The following ILDR2 variants were observed in gnomAD, a reference collection of about 807,000 sequenced individuals.
ILDR2 encodes immunoglobulin-like domain-containing receptor 2.
ILDR2 carries 25 observed loss-of-function variants against 66.8 expected under a neutral mutation model. The ratio of observed to expected loss-of-function variants is 0.37; its 90% CI spans 0.27 to 0.52. The LOEUF is 0.52. ILDR2 is among the 20% of genes least tolerant of loss of function. The pLI is 0.88. For missense variants in ILDR2, 827 were observed against 876.8 expected (o/e 0.94, Z 0.72); for synonymous variants, 367 against 357.2 (o/e 1.03, Z -0.31).
At chr1:166,905,760 T>A (rs188166715), downstream of ILDR2, among the ~76,000 whole-genome samples, 6 of 152,286 alleles carry the variant, frequency 3.9e-5, no homozygotes, top group African/African-American at 1.4e-4. Flanking sequence ...AGAACCTCTA[T>A]AGCTACAAAT....
intron 1 of ILDR2, among the ~76,000 whole-genome samples, chr1:166,959,628 C>T (rs1209238015): frequency 6.6e-6 from 1 of 152,156 alleles, no homozygotes; most frequent in African/African-American, 2.4e-5. Flanking sequence ...AAAGATCCAA[C>T]CTGATGCTTG....
At chr1:166,935,604 GTTC>G (rs1453355407) in intron 5 of ILDR2, 127 bp from the exon 6 acceptor site, 4 of 815,612 alleles carry the variant, frequency 4.9e-6, no homozygotes, top group Non-Finnish European at 7.4e-6. Context: ...GTGAGCGTTT[GTTC>G]TTCTAAAACT....
chr1:166,938,563 T>A (rs1246138705), intron 4 of ILDR2, among the ~76,000 whole-genome samples: 1 of 152,228 alleles, frequency 6.6e-6, no homozygotes, highest in Admixed American at 6.5e-5. Flanking sequence ...GTAAAAAGAA[T>A]GTCTGTGTTT....
intron 6 of ILDR2, among the ~76,000 whole-genome samples, chr1:166,934,295 T>C (rs1660812634): frequency 6.6e-6 from 1 of 152,212 alleles, no homozygotes; most frequent in African/African-American, 2.4e-5. Flanking sequence ...TTACCACTTA[T>C]TTCAATTCTG....
At position 166,909,776 on chromosome 1, in the gene ILDR2, T is replaced by A. The variant is rs1416388966; in HGVS notation, c.*9579A>T. The A allele has an allele frequency of 2.4e-4, 7 of 29,446 alleles. No homozygotes were observed. Among genetic ancestry groups the A allele is most frequent in the South Asian group, 1.8e-3 (2 of 1,124 alleles). The allele number at this position is 29,446 out of a possible 1,614,324, so 1.8% of individuals were successfully genotyped here. Reference sequence around the variant, plus strand: ...ATATATATAAATATATATAAATATATATATTTATATATATATATATATATA... The same window carrying A: ...ATATATATAAATATATATAAATATAAATATTTATATATATATATATATATA... On this transcript the variant is annotated 3_prime_UTR_variant, in exon 10 of 10. Transcript: ENST00000271417.
chr1:166,949,432 T>C (rs1661838862), intron 3 of ILDR2, among the ~76,000 whole-genome samples: 1 of 152,260 alleles, frequency 6.6e-6, no homozygotes, highest in African/African-American at 2.4e-5. Flanking sequence ...GACACTGTCA[T>C]TTCTTTATTT....
chr1:166,903,011 C>T lies in ILDR2; in HGVS notation n.171+4042G>A, dbSNP rs140447910. Among the ~76,000 whole-genome samples the T allele has an allele frequency of 1.4e-4, 22 of 152,300 alleles. 1 individual carries two copies. Among genetic ancestry groups the T allele is most frequent in the African/African-American group, 4.8e-4 (20 of 41,574 alleles). On this transcript the variant is annotated intron_variant and non_coding_transcript_variant, in intron 2 of 2. Transcript: ENST00000414590. ...CCTGTATATCCTTCTCCACTGCCATCGTCTTATTCCATTGTCCCCCACACA... is the reference window on the plus strand; with the variant it reads ...CCTGTATATCCTTCTCCACTGCCATTGTCTTATTCCATTGTCCCCCACACA...
Position 166,936,733 on chromosome 1 carries a change from C to A in ILDR2, c.561G>T (p.Trp187Cys), listed in dbSNP as rs1224412210. ...CCAGGAGCACCAGGCCAACAAACACCCACTCTGGAAGGATGCACAAAGAAA... is the reference window on the plus strand; with the variant it reads ...CCAGGAGCACCAGGCCAACAAACACACACTCTGGAAGGATGCACAAAGAAA... ...PSFAVEIMPE[W>C]VFVGLVLLGV... Residue 187 changes from tryptophan to cysteine, a missense_variant, in exon 5 of 10, where the codon TGG becomes TGT. Physicochemically the swap from Trp to Cys is radical, Grantham distance 215. Around this residue, in one of 2 missense-constraint regions of ILDR2, gnomAD observed 437 missense variants for 523.2 expected, o/e 0.84. Coordinates refer to ENST00000271417, the MANE Select transcript of ILDR2 (RefSeq NM_199351.3). This position sits in a 1 kb window ranked among gnomAD's most constrained non-coding sequence, Gnocchi z 5.0. The A allele has an allele frequency of 6.2e-7, 1 of 1,613,896 alleles. No individual in the cohort carries two copies. Among genetic ancestry groups the A allele is most frequent in the Non-Finnish European group, 8.5e-7 (1 of 1,179,996 alleles).
At position 166,936,788 on chromosome 1, in the gene ILDR2, C is replaced by T. The variant is rs763487233; in HGVS notation, c.557-51G>A. The T allele has an allele frequency of 6.3e-7, 1 of 1,589,024 alleles. No individual in the cohort carries two copies. Among genetic ancestry groups the T allele is most frequent in the Admixed American group, 1.7e-5 (1 of 58,904 alleles). On this transcript the variant is annotated intron_variant, in intron 4 of 9. Transcript: ENST00000271417. The surrounding 1 kb of genome is among the most constrained non-coding windows in gnomAD (Gnocchi z 5.0). ...CACTCGAGGCAGCCCACCTCCAGGG[C>T]AGGGTGCACTTTGATTGGCATCTCC...
Position 166,921,232 on chromosome 1 carries a change from G to A in ILDR2, c.1359C>T (p.Gly453=), listed in dbSNP as rs200632260. ...ACTCCGAGCGCTCGAAGCGGCTCCC[G>A]CCCCGCGCCTCGTGACTGTTGCCGT... is the stretch of plus-strand genomic sequence containing the variant. The part of the protein sequence containing the change: ...RADGNSHEAR[G]GSRFERSESR... The change falls in exon 9 of 10, where the codon GGC becomes GGT. Residue 453 remains glycine (G), a synonymous_variant. Coordinates refer to ENST00000271417, the MANE Select transcript of ILDR2 (RefSeq NM_199351.3). This position sits in a 1 kb window ranked among gnomAD's most constrained non-coding sequence, Gnocchi z 5.3. The A allele has an allele frequency of 1.9e-6, 3 of 1,593,602 alleles. No homozygotes were observed. The highest frequency in any genetic ancestry group is 1.3e-5 in the African/African-American group (1 of 74,926).
chr1:166,942,177 A>G (rs1433053376), intron 3 of ILDR2, among the ~76,000 whole-genome samples: 3 of 152,162 alleles, frequency 2.0e-5, no homozygotes, highest in Non-Finnish European at 4.4e-5. Context: ...TCCAGGTGTA[A>G]TTTTTAATAG....
At chr1:166,966,360 T>C (rs1224754543) in intron 1 of ILDR2, among the ~76,000 whole-genome samples, 1 of 152,240 alleles carries the variant, frequency 6.6e-6, no homozygotes, top group African/African-American at 2.4e-5. Context: ...GGTAACCAGA[T>C]GTACCATCTT....
intron 1 of ILDR2, among the ~76,000 whole-genome samples, chr1:166,966,722 G>A (rs973629062): frequency 2.0e-5 from 3 of 152,182 alleles, no homozygotes; most frequent in East Asian, 1.9e-4. Context: ...TGGCTTACAC[G>A]CAGTTCCAAT....
chr1:166,927,512 G>A (rs1254417280), intron 6 of ILDR2, among the ~76,000 whole-genome samples: 1 of 152,196 alleles, frequency 6.6e-6, no homozygotes, highest in Non-Finnish European at 1.5e-5. Context: ...TTCCATTGGA[G>A]GAGCATATTC....
intron 6 of ILDR2, among the ~76,000 whole-genome samples, chr1:166,932,055 G>A: frequency 6.6e-6 from 1 of 152,214 alleles, no homozygotes; most frequent in East Asian, 1.9e-4. Flanking sequence ...TTCCCAGGGA[G>A]AGGACCTCAA....
At chr1:166,965,826 T>C (rs1448373782) in intron 1 of ILDR2, among the ~76,000 whole-genome samples, 1 of 151,994 alleles carries the variant, frequency 6.6e-6, no homozygotes, top group Non-Finnish European at 1.5e-5. Context: ...TCATCTTTTG[T>C]TTTTACAGTT....
chr1:166,950,332 A>G (rs1245611501), intron 3 of ILDR2, among the ~76,000 whole-genome samples: 3 of 152,232 alleles, frequency 2.0e-5, no homozygotes, highest in African/African-American at 7.2e-5. Flanking sequence ...TGCCATGGGA[A>G]CTCTGGGAGC....
intron 7 of ILDR2, 102 bp from the exon 8 acceptor site, chr1:166,922,911 C>T: frequency 1.0e-6 from 1 of 988,160 alleles, no homozygotes; most frequent in East Asian, 2.5e-5. Flanking sequence ...CCAGGAAACT[C>T]CTGCCTCATT....
At chr1:166,939,790 G>T (rs549756145) in intron 3 of ILDR2, among the ~76,000 whole-genome samples, 1 of 152,264 alleles carries the variant, frequency 6.6e-6, no homozygotes, top group East Asian at 1.9e-4. Flanking sequence ...TAAACTAAGC[G>T]GAAGCAGAAA....
Sources: allele counts gnomAD v4.1 joint callset (sites outside exome capture counted in the v4.1 genomes callset), GRCh38; gene constraint gnomAD v4.1.1; regional missense constraint gnomAD v4.1.1; non-coding constraint Gnocchi (gnomAD v3.1); transcripts MANE v1.5; gene names NCBI Gene and HGNC (gene_info 2026-07-23, HGNC 2026-07-21).